MGST1: variants seen among roughly 807,000 people sequenced by gnomAD.
The protein encoded by MGST1 is microsomal glutathione S-transferase 1.
A neutral mutation model predicts 8.9 loss-of-function variants in MGST1; 5 were observed. The ratio of observed to expected loss-of-function variants is 0.56; its 90% CI spans 0.29 to 1.19. MGST1 has a LOEUF of 1.19. Among genes scored for constraint, MGST1 ranks in the 50% most tolerant of loss-of-function variants. The pLI is 0.08. For synonymous variants in MGST1, 54 were observed against 67.8 expected, an observed-to-expected ratio of 0.80 and a Z score of 1.00; for missense variants, 182 against 187.4, an observed-to-expected ratio of 0.97 and a Z score of 0.17.
At chr12:16,388,658 T>C (rs1404272370) in intron 1 of MGST1, among the ~76,000 whole-genome samples, 1 of 152,262 alleles carries the variant, frequency 6.6e-6, no homozygotes, top group South Asian at 2.1e-4. Flanking sequence ...AAGTGTCCTT[T>C]TAATGCTTAC....
intron 4 of MGST1, among the ~76,000 whole-genome samples, chr12:16,496,072 C>T (rs939879868): frequency 6.6e-6 from 1 of 152,094 alleles, no homozygotes; most frequent in Non-Finnish European, 1.5e-5. Context: ...TGGTGCTGCC[C>T]TTCTGGAAAG....
chr12:16,527,777 T>C (rs1012684896), intron 4 of MGST1, among the ~76,000 whole-genome samples: 2 of 152,016 alleles, frequency 1.3e-5, no homozygotes, highest in African/African-American at 4.8e-5. Context: ...ATCTTACTTA[T>C]ACACCTTGCA....
chr12:16,469,091 A>T (rs1208113690), intron 4 of MGST1, among the ~76,000 whole-genome samples: 1 of 150,466 alleles, frequency 6.6e-6, no homozygotes, highest in Non-Finnish European at 1.5e-5. Context: ...GTTCCATTTT[A>T]TTTGAGTGAG....
intron 4 of MGST1, among the ~76,000 whole-genome samples, chr12:16,476,247 G>C (rs1258757356): frequency 2.0e-5 from 3 of 152,164 alleles, no homozygotes; most frequent in Admixed American, 2.0e-4. Flanking sequence ...ACACTAAGCA[G>C]GAAAAATAAG....
chr12:16,375,999 C>A, intron 3 of MGST1: 1 of 547,218 alleles, frequency 1.8e-6, no homozygotes, highest in Non-Finnish European at 2.8e-6. Context: ...ACACACAACA[C>A]CCACACACCT....
rs569152997 is a variant in MGST1 at position 16,586,665 on chromosome 12, G to A, written n.483-2863G>A. Among the ~76,000 whole-genome samples, 11 of 152,280 alleles carry A rather than the reference G, an allele frequency of 7.2e-5. No individual in the cohort carries two copies. The highest frequency in any genetic ancestry group is 2.2e-4 in the African/African-American group (9 of 41,566). Reference sequence around the variant, plus strand: ...TAGGATGTGGCAATAAGGCTATACCGTCGGGGTAGAGATTTCAAGATACAC... The same window carrying A: ...TAGGATGTGGCAATAAGGCTATACCATCGGGGTAGAGATTTCAAGATACAC... On this transcript the variant is annotated intron_variant and non_coding_transcript_variant, in intron 4 of 4. Transcript: ENST00000538857. This position sits in a 1 kb window ranked among gnomAD's most constrained non-coding sequence, Gnocchi z 4.3.
intron 1 of MGST1, among the ~76,000 whole-genome samples, chr12:16,350,400 C>G (rs1200964334): frequency 6.6e-6 from 1 of 152,190 alleles, no homozygotes; most frequent in Non-Finnish European, 1.5e-5. Flanking sequence ...TTCTATAATT[C>G]ATAACCAAAT....
chr12:16,533,222 T>C (rs1400100186), intron 4 of MGST1, among the ~76,000 whole-genome samples: 1 of 152,194 alleles, frequency 6.6e-6, no homozygotes, highest in African/African-American at 2.4e-5. Context: ...TCACTAGAAT[T>C]ATGGATAATC....
rs566939802 is a variant in MGST1, at chr12:16,361,826, G to A, written c.222-1969G>A. The stretch of plus-strand genomic sequence containing the variant: ...ACGAAAGAGAAAGAGAACTCAAAAG[G>A]GAGAATAAGATAAAGAGAAAATGAG... On this transcript the variant is annotated intron_variant, in intron 3 of 3. Coordinates refer to ENST00000396210, the MANE Select transcript of MGST1 (RefSeq NM_020300.5). This position sits in a 1 kb window ranked among gnomAD's most constrained non-coding sequence, Gnocchi z 4.2. Among the ~76,000 whole-genome samples, 1 of 152,284 alleles carries A rather than the reference G, an allele frequency of 6.6e-6. No individual in the cohort carries two copies. Among genetic ancestry groups the A allele is most frequent in the African/African-American group, 2.4e-5 (1 of 41,554 alleles).
chr12:16,487,798 AACCAC>A (rs1475927041), intron 4 of MGST1, among the ~76,000 whole-genome samples: 1 of 152,072 alleles, frequency 6.6e-6, no homozygotes, highest in Non-Finnish European at 1.5e-5. Context: ...AGGTGTGCAC[AACCAC>A]ACCTGGATAA....
At chr12:16,372,080 A>G (rs372454295) in intron 3 of MGST1, among the ~76,000 whole-genome samples, 3 of 152,214 alleles carry the variant, frequency 2.0e-5, no homozygotes, top group Admixed American at 6.6e-5. Context: ...CTATGAAATT[A>G]TAAGAAGAAA....
intron 3 of MGST1, among the ~76,000 whole-genome samples, chr12:16,358,253 A>C (rs1259035638): frequency 6.6e-6 from 1 of 152,168 alleles, no homozygotes; most frequent in Admixed American, 6.6e-5. Context: ...GGTAGTGAGC[A>C]TAGTACCCGT....
At chr12:16,427,692 CT>C (rs1422125722) in intron 1 of MGST1, among the ~76,000 whole-genome samples, 2 of 152,160 alleles carry the variant, frequency 1.3e-5, no homozygotes. Context: ...TACATTTTTT[CT>C]TTTCCATTAA....
intron 1 of MGST1, chr12:16,402,113 G>A: frequency 6.6e-7 from 1 of 1,517,394 alleles, no homozygotes; most frequent in Non-Finnish European, 9.2e-7. Flanking sequence ...TCAGCAGTCT[G>A]ATGGCAGGGG....
At chr12:16,488,500 A>G (rs1941414931) in intron 4 of MGST1, among the ~76,000 whole-genome samples, 1 of 152,084 alleles carries the variant, frequency 6.6e-6, no homozygotes, top group Admixed American at 6.6e-5. Context: ...CCACGGAACT[A>G]AGGTAGTTTT....
intron 4 of MGST1, among the ~76,000 whole-genome samples, chr12:16,516,340 C>T (rs1941615084): frequency 6.6e-6 from 1 of 152,146 alleles, no homozygotes; most frequent in African/African-American, 2.4e-5. Context: ...GCCATACAGC[C>T]CCAACTCAAA....
chr12:16,496,258 C>A (rs1435005719), intron 4 of MGST1, among the ~76,000 whole-genome samples: 1 of 151,866 alleles, frequency 6.6e-6, no homozygotes, highest in Admixed American at 6.6e-5. Flanking sequence ...AAGTGTCTAT[C>A]TCCAGGGGAG....
intron 4 of MGST1, among the ~76,000 whole-genome samples, chr12:16,583,014 T>G (rs984195412): frequency 1.4e-5 from 2 of 142,246 alleles, no homozygotes; most frequent in Non-Finnish European, 3.0e-5. Context: ...TCCACTGCAC[T>G]CTAGCCTGGG....
At chr12:16,349,837 C>T (rs1294509487) in intron 1 of MGST1, among the ~76,000 whole-genome samples, 5 of 151,648 alleles carry the variant, frequency 3.3e-5, no homozygotes, top group East Asian at 3.9e-4. Flanking sequence ...CTCCGCTTCC[C>T]GGGTTCACGC....
Sources: gnomAD v4.1 joint callset for allele counts (sites outside exome capture counted in the v4.1 genomes callset) on GRCh38, gnomAD v4.1.1 for gene constraint, Gnocchi (gnomAD v3.1) non-coding constraint, MANE v1.5 for transcripts, NCBI Gene and HGNC (gene_info 2026-07-23, HGNC 2026-07-21) for gene names.